The following SUGP1 variants were observed in gnomAD, a reference collection of about 807,000 sequenced individuals.
The protein encoded by SUGP1 is SURP and G-patch domain-containing protein 1.
A neutral mutation model predicts 76.5 loss-of-function variants in SUGP1; 34 were observed. The ratio of observed to expected loss-of-function variants is 0.44; its 90% CI spans 0.34 to 0.59. The LOEUF (loss-of-function observed/expected upper bound fraction) is 0.59. SUGP1 is among the 20% of genes least tolerant of loss of function. SUGP1 has a pLI of 0.01. For missense variants in SUGP1, 752 were observed against 851.7 expected (o/e 0.88, Z 1.46); for synonymous variants, 326 against 326.2 (o/e 1.00, Z 0.01).
At chr19:19,292,382 C>G (rs1278099828) in intron 8 of SUGP1, among the ~76,000 whole-genome samples, 1 of 151,908 alleles carries the variant, frequency 6.6e-6, no homozygotes, top group Non-Finnish European at 1.5e-5. Context: ...TAGCCTGATA[C>G]CCAAGGCAGA....
At chr19:19,302,487 A>T in intron 6 of SUGP1, 99 bp from the exon 7 acceptor site, 1 of 1,511,856 alleles carries the variant, frequency 6.6e-7, no homozygotes. Context: ...TGTTTTAGGA[A>T]TGATGCAAAG....
At chr19:19,280,321 G>C in intron 8 of SUGP1, 30 bp from the exon 9 acceptor site, 3 of 1,597,864 alleles carry the variant, frequency 1.9e-6, no homozygotes, top group Non-Finnish European at 2.6e-6. Context: ...GGTAGTCAGA[G>C]CCTGACAGGT....
intron 7 of SUGP1, 82 bp from the exon 8 acceptor site, chr19:19,297,426 T>TCTGGGCAGGAGCAGTTCTGGCCTA: frequency 8.5e-7 from 1 of 1,170,124 alleles, no homozygotes; most frequent in Non-Finnish European, 1.2e-6. Context: ...GTTCTGGCCT[T>TCTGGGCAGGAGCAGTTCTGGCCTA]GTGTGCCCAC....
In SUGP1 at chr19:19,297,020, C is replaced by G. The variant is rs771173241; in HGVS notation, c.1212G>C (p.Arg404Ser). The G allele has an allele frequency of 6.3e-7, 1 of 1,594,080 alleles. No individual in the cohort carries two copies. Among genetic ancestry groups the G allele is most frequent in the South Asian group, 1.1e-5 (1 of 90,314 alleles). ...GAGGCGAGGGAGAGGCATCCACGTC[C>G]CTCTGCACCAGTTCAGCAGGTGGGA... ...VELPPAELVQ[R>S]DVDASPSPLS... Residue 404 changes from arginine (R) to serine (S), a missense_variant, in exon 8 of 14, where the codon AGG (arginine) becomes AGC (serine). Around this residue, in one of 2 missense-constraint regions of SUGP1, gnomAD observed 620 missense variants for 617.3 expected, o/e 1.00. Coordinates refer to ENST00000247001, the MANE Select transcript of SUGP1 (RefSeq NM_172231.4).
chr19:19,288,030 T>A (rs1699853385), intron 8 of SUGP1, among the ~76,000 whole-genome samples: 1 of 152,070 alleles, frequency 6.6e-6, no homozygotes, highest in Admixed American at 6.6e-5. Flanking sequence ...TCATAAATAG[T>A]CAATATATTT....
At chr19:19,293,041 G>A (rs1170606185) in intron 8 of SUGP1, among the ~76,000 whole-genome samples, 1 of 151,850 alleles carries the variant, frequency 6.6e-6, no homozygotes, top group Non-Finnish European at 1.5e-5. Context: ...CAAGTAGCTG[G>A]GATTACAGGC....
rs141614301 is a variant in SUGP1 at position 19,292,621 on chromosome 19, C to T, written c.1243+4368G>A. 3.6e-3 allele frequency among the ~76,000 whole-genome samples: 546 copies of T among 151,750 alleles called. 7 individuals carry two copies. The highest frequency in any genetic ancestry group is 0.031 in the Middle Eastern group (9 of 294). On this transcript the variant is annotated intron_variant, in intron 8 of 13. Transcript: ENST00000247001. ...TGGAGATTGCAGTAAGCTGAGATCG[C>T]GCTACTGCACTCCAGCCTGGGCAAC...
chr19:19,295,627 AAAG>A (rs1438356802), intron 8 of SUGP1, among the ~76,000 whole-genome samples: 1 of 149,386 alleles, frequency 6.7e-6, no homozygotes, highest in Non-Finnish European at 1.5e-5. Flanking sequence ...AAAAAAAAAA[AAAG>A]AACCCGACGG....
At chr19:19,279,439 C>T (rs62135549) in intron 9 of SUGP1, 49 bp from the exon 10 acceptor site, 75,733 of 1,516,096 alleles carry the variant, frequency 0.05, 2,208 homozygotes, top group Non-Finnish European at 0.057. Flanking sequence ...TGTGGCCTGC[C>T]GGAGCCCCGC....
rs1039254650 is a variant in SUGP1, at chr19:19,280,632, G to A, written c.1244-341C>T. The A allele has an allele frequency of 9.0e-5, 25 of 276,294 alleles. No individual in the cohort carries two copies. In the East Asian group the frequency reaches 1.9e-3, roughly 21 times the overall value. The allele number at this position is 276,294 out of a possible 1,614,324, so 17.1% of individuals were successfully genotyped here. Reference sequence around the variant, plus strand: ...GGAATTTGCAGAGCCAGAGACAAGAGAGCTGAGACGGCATGTGGGCAGCAT... The same window carrying A: ...GGAATTTGCAGAGCCAGAGACAAGAAAGCTGAGACGGCATGTGGGCAGCAT... On this transcript the variant is annotated intron_variant, in intron 8 of 13. Coordinates refer to ENST00000247001, the MANE Select transcript of SUGP1 (RefSeq NM_172231.4).
intron 4 of SUGP1, among the ~76,000 whole-genome samples, chr19:19,304,606 C>A (rs538866069): frequency 1.3e-5 from 2 of 152,190 alleles, no homozygotes; most frequent in African/African-American, 2.4e-5. Flanking sequence ...CCCCACTGAG[C>A]CATGTGGAAC....
At chr19:19,297,821 C>G (rs1568627313) in intron 7 of SUGP1, among the ~76,000 whole-genome samples, 1 of 152,298 alleles carries the variant, frequency 6.6e-6, no homozygotes, top group East Asian at 1.9e-4. Flanking sequence ...ATTTCTACCC[C>G]ACGTGGGGGC....
intron 8 of SUGP1, among the ~76,000 whole-genome samples, chr19:19,292,403 A>G (rs1300797222): frequency 6.6e-6 from 1 of 152,104 alleles, no homozygotes; most frequent in Non-Finnish European, 1.5e-5. Context: ...CAAAGATACT[A>G]CAAAGAAAGA....
intron 8 of SUGP1, among the ~76,000 whole-genome samples, chr19:19,287,976 C>T (rs533442335): frequency 5.9e-5 from 9 of 152,160 alleles, no homozygotes. Context: ...AGCTGTTCAA[C>T]ACGACACTGA....
In SUGP1 at chr19:19,312,563, T is replaced by C. The variant is rs539616972; in HGVS notation, c.207-2363A>G. On this transcript the variant is annotated intron_variant, in intron 2 of 13. Coordinates refer to ENST00000247001, the MANE Select transcript of SUGP1 (RefSeq NM_172231.4). Reference sequence around the variant, plus strand: ...AATAGGAGAAAGGAATAATTTTTAGTTCATCAGAACTAAAATAACCTAAAT... The same window carrying C: ...AATAGGAGAAAGGAATAATTTTTAGCTCATCAGAACTAAAATAACCTAAAT... Among the ~76,000 whole-genome samples, 20 of 152,280 alleles carry C rather than the reference T, an allele frequency of 1.3e-4. No individual in the cohort carries two copies. In the South Asian group the frequency reaches 4.1e-3, roughly 32 times the overall value.
At position 19,291,934 on chromosome 19, in the gene SUGP1, A is replaced by ACACACAC. The variant is rs1555788756; in HGVS notation, c.1243+5054_1243+5055insGTGTGTG. On this transcript the variant is annotated intron_variant, in intron 8 of 13. Coordinates refer to ENST00000247001, the MANE Select transcript of SUGP1 (RefSeq NM_172231.4). ...ACACACACACACACACACACACACA[A>ACACACAC]AAGGGCCAAGAATTAGATAGCTTCA... Among the ~76,000 whole-genome samples, 379 of 97,948 alleles carry ACACACAC rather than the reference A, an allele frequency of 3.9e-3. 4 individuals are homozygous for ACACACAC. The highest frequency in any genetic ancestry group is 6.0e-3 in the East Asian group (18 of 3,000). The allele number at this position is 97,948 out of a possible 152,430, so 64.3% of individuals were successfully genotyped here. A position where few individuals can be genotyped will look rare whatever the true frequency, so the allele number is the denominator to read the frequency against.
chr19:19,316,462 G>A lies in SUGP1; in HGVS notation c.166C>T (p.Gln56Ter). Residue 56 changes from glutamine to a stop codon, truncating the protein, a stop_gained, in exon 2 of 14, where the codon CAG (glutamine) becomes TAG (stop). Transcript: ENST00000247001. LOFTEE classifies it high-confidence loss of function. The part of the protein sequence containing the change: ...IEAKMEQKAK[Q>*]NQVASPQPPH... ...GGCTGAGGGCTGGCCACCTGATTCT[G>A]CTTGGCTTTCTGTTCCATTTTGGCT... The A allele has an allele frequency of 6.2e-7, 1 of 1,613,896 alleles. No homozygotes were observed. Among genetic ancestry groups the A allele is most frequent in the Non-Finnish European group, 8.5e-7 (1 of 1,180,006 alleles).
chr19:19,297,901 TGAG>T (rs967475827), intron 7 of SUGP1, among the ~76,000 whole-genome samples: 11 of 152,196 alleles, frequency 7.2e-5, no homozygotes, highest in Admixed American at 7.2e-4. Context: ...CTACCCAGCC[TGAG>T]GAGCACAGCA....
At chr19:19,298,206 G>C (rs919124557) in intron 7 of SUGP1, among the ~76,000 whole-genome samples, 4 of 121,524 alleles carry the variant, frequency 3.3e-5, no homozygotes, top group African/African-American at 8.0e-5. Context: ...AAGTCCCTTT[G>C]TGTTACAGAG....
Sources: allele counts gnomAD v4.1 joint callset (sites outside exome capture counted in the v4.1 genomes callset), GRCh38; gene constraint gnomAD v4.1.1; regional missense constraint gnomAD v4.1.1; transcripts MANE v1.5; gene names NCBI Gene and HGNC (gene_info 2026-07-23, HGNC 2026-07-21).